Variants in PCDHA1 observed in about 807,000 individuals in gnomAD.
PCDHA1 encodes the protein protocadherin alpha 1, also known as protocadherin alpha-1.
Under a neutral mutation model 61.3 loss-of-function variants are expected in PCDHA1, and 42 were observed. The observed-to-expected ratio is 0.69, with a 90% CI of 0.54 to 0.89. PCDHA1 has a LOEUF of 0.89. PCDHA1 is among the 40% of genes least tolerant of loss of function. PCDHA1 has a pLI of 0.00. For synonymous variants in PCDHA1, 610 were observed against 553.8 expected, an observed-to-expected ratio of 1.10 and a Z score of -1.43; for missense variants, 1,256 against 1,235.3, an observed-to-expected ratio of 1.02 and a Z score of -0.25.
chr5:140,860,664 A>T (rs1400061239), intron 1 of PCDHA1: 2 of 152,252 alleles, frequency 1.3e-5, no homozygotes, highest in Non-Finnish European at 2.9e-5. Context: ...AATAATATGA[A>T]ATCAAATGCA....
At chr5:140,812,433 C>T (rs1447584694) in intron 1 of PCDHA1, 1 of 152,044 alleles carries the variant, frequency 6.6e-6, no homozygotes, top group African/African-American at 2.4e-5. Flanking sequence ...AAAAAATCAA[C>T]TAAGTTTAAA....
At chr5:140,871,311 C>T (rs782501180) in intron 1 of PCDHA1, 9 of 1,613,922 alleles carry the variant, frequency 5.6e-6, no homozygotes, top group Non-Finnish European at 7.6e-6. Flanking sequence ...CGGGGAAGCC[C>T]ACGCTGGTGT....
intron 1 of PCDHA1, among the ~76,000 whole-genome samples, chr5:140,897,173 G>A (rs1212341088): frequency 6.6e-6 from 1 of 151,926 alleles, no homozygotes; most frequent in East Asian, 1.9e-4. Context: ...CTATCTCCAT[G>A]GGTTCAAAAA....
chr5:140,905,154 A>C (rs2071632233), intron 1 of PCDHA1, among the ~76,000 whole-genome samples: 1 of 152,040 alleles, frequency 6.6e-6, no homozygotes, highest in Admixed American at 6.6e-5. Context: ...ATATTTTAGA[A>C]TTTTCATGGT....
At chr5:140,903,979 C>T (rs988987540) in intron 1 of PCDHA1, among the ~76,000 whole-genome samples, 3 of 152,150 alleles carry the variant, frequency 2.0e-5, no homozygotes, top group Admixed American at 2.0e-4. Flanking sequence ...GGTCTATTCA[C>T]AATGTAACAG....
chr5:140,873,225 A>G (rs1476513279), intron 1 of PCDHA1, among the ~76,000 whole-genome samples: 2 of 152,224 alleles, frequency 1.3e-5, no homozygotes, highest in African/African-American at 2.4e-5. Context: ...AGAGAAGGCA[A>G]CAATATAAAA....
chr5:140,850,875 G>A lies in PCDHA1; in HGVS notation c.2394+62191G>A, dbSNP rs201934627. 18 of 1,590,472 alleles carry A rather than the reference G, an allele frequency of 1.1e-5. 3 individuals carry two copies. The highest frequency in any genetic ancestry group is 1.5e-5 in the Non-Finnish European group (18 of 1,162,510). ...AACGGGAGAACCCTCTGCTTCCTCAGATTCAACTGGGAAGGTGGGTTTTTC... is the reference window on the plus strand; with the variant it reads ...AACGGGAGAACCCTCTGCTTCCTCAAATTCAACTGGGAAGGTGGGTTTTTC... On this transcript the variant is annotated intron_variant, in intron 1 of 3. Transcript: ENST00000504120.
chr5:140,993,508 ACG>A (rs2097567607), intron 3 of PCDHA1, among the ~76,000 whole-genome samples: 1 of 147,006 alleles, frequency 6.8e-6, no homozygotes, highest in Non-Finnish European at 1.5e-5. Context: ...ACACACACAC[ACG>A]GGGAGAGAGA....
chr5:141,011,662 G>C lies in PCDHA1; in HGVS notation c.*1725G>C, dbSNP rs1166635893. On this transcript the variant is annotated 3_prime_UTR_variant, in exon 4 of 4. Coordinates refer to ENST00000504120, the MANE Select transcript of PCDHA1 (RefSeq NM_018900.4). The stretch of plus-strand genomic sequence containing the variant: ...CAAGACTTCTGCTGGCAAGGGAATG[G>C]ATAAAGCTGTTTTGTTCTAGTAACA... 2.0e-5 allele frequency: 3 copies of C among 153,688 alleles called. No homozygotes were observed. Among genetic ancestry groups the C allele is most frequent in the African/African-American group, 7.2e-5 (3 of 41,414 alleles). The allele number at this position is 153,688 out of a possible 1,614,324, so 9.5% of individuals were successfully genotyped here.
chr5:140,803,705 G>A, intron 1 of PCDHA1: 1 of 1,516,256 alleles, frequency 6.6e-7, no homozygotes, highest in Non-Finnish European at 8.9e-7. Flanking sequence ...TTCATAATTA[G>A]ACTTTTCCAG....
At chr5:140,823,769 T>C (rs2150128956) in intron 1 of PCDHA1, 1 of 1,613,830 alleles carries the variant, frequency 6.2e-7, no homozygotes, top group Non-Finnish European at 8.5e-7. Flanking sequence ...GCCACAGTGC[T>C]GGTGTCGCTG....
chr5:140,926,842 G>A (rs1388239431), intron 1 of PCDHA1: 1 of 1,514,684 alleles, frequency 6.6e-7, no homozygotes, highest in Non-Finnish European at 8.8e-7. Flanking sequence ...GCATGGTCCT[G>A]GGTCACCGTT....
intron 1 of PCDHA1, among the ~76,000 whole-genome samples, chr5:140,911,856 T>C (rs1252396387): frequency 6.6e-6 from 1 of 152,184 alleles, no homozygotes; most frequent in Non-Finnish European, 1.5e-5. Context: ...TCCTTAATAG[T>C]CTGTTCTTCT....
chr5:140,832,690 A>G (rs1294300661), intron 1 of PCDHA1, among the ~76,000 whole-genome samples: 2 of 152,206 alleles, frequency 1.3e-5, no homozygotes, highest in East Asian at 3.8e-4. Context: ...AATTAACAAG[A>G]CCTGGCTTCA....
intron 1 of PCDHA1, among the ~76,000 whole-genome samples, chr5:140,902,647 G>A (rs1286700570): frequency 6.6e-6 from 1 of 150,932 alleles, no homozygotes; most frequent in African/African-American, 2.4e-5. Context: ...CTGAGATTTT[G>A]GTGCACCTGT....
rs1256039151 is a variant in PCDHA1 at position 140,800,485 on chromosome 5, C to T, written c.2394+11801C>T. 3.9e-5 allele frequency among the ~76,000 whole-genome samples: 6 copies of T among 152,152 alleles called. No homozygotes were observed. In the East Asian group the frequency reaches 7.7e-4, roughly 20 times the overall value. On this transcript the variant is annotated intron_variant, in intron 1 of 3. Transcript: ENST00000504120. ...TATGTTTTAATATATACAGCACACA[C>T]ACACTTTTAAATACTTCAACATCTC...
chr5:141,002,135 G>A (rs1265359430), intron 3 of PCDHA1, among the ~76,000 whole-genome samples: 1 of 152,236 alleles, frequency 6.6e-6, no homozygotes, highest in African/African-American at 2.4e-5. Flanking sequence ...AGCCTTTGCC[G>A]GCTGCACTGA....
intron 1 of PCDHA1, among the ~76,000 whole-genome samples, chr5:140,906,402 A>G (rs1378425113): frequency 1.3e-5 from 2 of 152,268 alleles, no homozygotes; most frequent in African/African-American, 4.8e-5. Flanking sequence ...AAATTTTCAT[A>G]TGAAGTCAAT....
At chr5:140,969,069 T>C in intron 1 of PCDHA1, 1 of 1,614,160 alleles carries the variant, frequency 6.2e-7, no homozygotes, top group Non-Finnish European at 8.5e-7. Context: ...GATGCCAGGA[T>C]ACCGCATGGC....
Sources: allele counts gnomAD v4.1 joint callset (sites outside exome capture counted in the v4.1 genomes callset), GRCh38; gene constraint gnomAD v4.1.1; transcripts MANE v1.5; gene names NCBI Gene and HGNC (gene_info 2026-07-23, HGNC 2026-07-21).